The following EPHB6 variants were observed in gnomAD, a reference collection of about 807,000 sequenced individuals.
EPHB6 encodes the protein ephrin type-B receptor 6.
A neutral mutation model predicts 107.0 loss-of-function variants in EPHB6; 51 were observed. The ratio of observed to expected loss-of-function variants is 0.48; its 90% CI spans 0.38 to 0.60. EPHB6 has a LOEUF of 0.60. Among genes scored for constraint, EPHB6 ranks in the 20% least tolerant of loss-of-function variants. EPHB6 has a pLI of 0.00. For synonymous variants in EPHB6, 553 were observed against 549.0 expected (o/e 1.01, Z -0.10); for missense variants, 1,141 against 1,355.5 (o/e 0.84, Z 2.48).
rs573964960 is a variant in EPHB6 at position 142,868,004 on chromosome 7, C to A, written c.1873C>A (p.Arg625Ser). The change falls in exon 13 of 20, where the codon CGT becomes AGT. Residue 625 changes from arginine to serine, a missense_variant. This residue lies in a region of EPHB6 where 616 missense variants were observed against 759.3 expected (regional missense o/e 0.81). Coordinates refer to ENST00000652003, the MANE Select transcript of EPHB6 (RefSeq NM_004445.6). This position sits in a 1 kb window ranked among gnomAD's most constrained non-coding sequence, Gnocchi z 4.2. Reference sequence around the variant, plus strand: ...CACCGTTTTGTTCCTCAGGAAGCGGCGTGGGACTGGCTACACAGAGCAGCT... The same window carrying A: ...CACCGTTTTGTTCCTCAGGAAGCGGAGTGGGACTGGCTACACAGAGCAGCT... ...VLAVVFQRKRRGTGYTEQLQQ... is the reference protein window; with the variant it reads ...VLAVVFQRKRSGTGYTEQLQQ... 6.3e-6 allele frequency: 10 copies of A among 1,580,080 alleles called. No individual in the cohort carries two copies. Among genetic ancestry groups the A allele is most frequent in the Non-Finnish European group, 8.6e-6 (10 of 1,163,104 alleles).
chr7:142,870,987 G>A lies in EPHB6; in HGVS notation c.*83G>A. 2 of 1,347,604 alleles carry A rather than the reference G, an allele frequency of 1.5e-6. No individual in the cohort carries two copies. Among genetic ancestry groups the A allele is most frequent in the Non-Finnish European group, 2.1e-6 (2 of 973,682 alleles). 83.5% of individuals were successfully genotyped at this position (1,347,604 alleles called of 1,614,324 possible). On this transcript the variant is annotated 3_prime_UTR_variant, in exon 20 of 20. Coordinates refer to ENST00000652003, the MANE Select transcript of EPHB6 (RefSeq NM_004445.6). ...CGTGAGCCGGGCTCCAACAGCCTCT[G>A]TGAGAGATGCCCCACACCAAACCCA...
intron 6 of EPHB6, 79 bp from the exon 7 acceptor site, chr7:142,863,885 GAT>G (rs1400714935): frequency 2.1e-5 from 33 of 1,591,296 alleles, no homozygotes; most frequent in Non-Finnish European, 2.4e-5. Context: ...CAGTGGAAGA[GAT>G]ATGTCCCCTT....
At chr7:142,862,968 G>T in intron 4 of EPHB6, 135 bp downstream of exon 4, 1 of 546,998 alleles carries the variant, frequency 1.8e-6, no homozygotes, top group Non-Finnish European at 3.3e-6. Flanking sequence ...GCTCAGGAGA[G>T]GCAGTATGCA....
intron 7 of EPHB6, 121 bp from the exon 8 acceptor site, chr7:142,865,354 G>A (rs1161744021): frequency 2.3e-6 from 3 of 1,329,536 alleles, no homozygotes; most frequent in South Asian, 2.4e-5. Context: ...AGTCTTGGAA[G>A]AAAAGGAGAA....
rs771902981 is a variant in EPHB6 at position 142,866,570 on chromosome 7, A to T, written c.1552A>T (p.Asn518Tyr). 3 of 1,614,128 alleles carry T rather than the reference A, an allele frequency of 1.9e-6. No homozygotes were observed. The highest frequency in any genetic ancestry group is 1.7e-6 in the Non-Finnish European group (2 of 1,180,028). The change falls in exon 10 of 20, where the codon AAC becomes TAC. Residue 518 changes from asparagine (N) to tyrosine (Y), a missense_variant. Asn to Tyr is a moderately radical substitution (Grantham distance 143). Coordinates refer to ENST00000652003, the MANE Select transcript of EPHB6 (RefSeq NM_004445.6). This position sits in a 1 kb window ranked among gnomAD's most constrained non-coding sequence, Gnocchi z 5.2. ...GCCGCAGCCCGACCAGACCAATGGG[A>T]ACATCCTGGACTATCAGCTCCGCTA... is the stretch of plus-strand genomic sequence containing the variant. ...SWPQPDQTNG[N>Y]ILDYQLRYYD...
In EPHB6 at chr7:142,864,313, CT is replaced by C; in HGVS notation, c.514del (p.Ser172ProfsTer24). On this transcript the variant is annotated frameshift_variant, in exon 7 of 20. Coordinates refer to ENST00000652003, the MANE Select transcript of EPHB6 (RefSeq NM_004445.6). LOFTEE classifies it high-confidence loss of function. ...ESFPSSSSSS[S>X]SSSSSAAWAV... Reference sequence around the variant, plus strand: ...GCTTTCCCTCCTCCTCCTCCTCCTCCTCCTCCTCTTCTTCCTCTGCAGCGTG... The same window carrying C: ...GCTTTCCCTCCTCCTCCTCCTCCTCCCCTCCTCTTCTTCCTCTGCAGCGTG... 2 of 1,613,274 alleles carry C rather than the reference CT, an allele frequency of 1.2e-6. No homozygotes were observed. Among genetic ancestry groups the C allele is most frequent in the Non-Finnish European group, 1.7e-6 (2 of 1,179,978 alleles).
chr7:142,868,251 G>C lies in EPHB6; in HGVS notation c.1929G>C (p.Val643=), dbSNP rs1335443387. Residue 643 remains valine (V), a synonymous_variant, in exon 14 of 20, where the codon GTG becomes GTC. Transcript: ENST00000652003. The surrounding 1 kb of genome is among the most constrained non-coding windows in gnomAD (Gnocchi z 4.2). ...LQQYSSPGLG[V]KYYIDPSTYE... Reference sequence around the variant, plus strand: ...TCCACACCCCTCCAGGACTCGGGGTGAAGTATTACATCGACCCCTCCACCT... The same window carrying C: ...TCCACACCCCTCCAGGACTCGGGGTCAAGTATTACATCGACCCCTCCACCT... The C allele has an allele frequency of 1.2e-6, 2 of 1,614,162 alleles. No individual in the cohort carries two copies. The highest frequency in any genetic ancestry group is 2.2e-5 in the South Asian group (2 of 91,084).
rs755845226 is a variant in EPHB6 at position 142,868,755 on chromosome 7, G to T, written c.2286+16G>T. On this transcript the variant is annotated intron_variant, in intron 15 of 19. Coordinates refer to ENST00000652003, the MANE Select transcript of EPHB6 (RefSeq NM_004445.6). This position sits in a 1 kb window ranked among gnomAD's most constrained non-coding sequence, Gnocchi z 4.2. ...CTTCCTCAGGGTCAGTCCAGCCTGG[G>T]TGAAGGAGGAGGGTCCTTGGGTCCA... 6.2e-7 allele frequency: 1 copy of T among 1,613,802 alleles called. No individual in the cohort carries two copies. The highest frequency in any genetic ancestry group is 1.1e-5 in the South Asian group (1 of 91,080).
At position 142,868,824 on chromosome 7, in the gene EPHB6, C is replaced by T; in HGVS notation, c.2286+85C>T. 1 of 1,608,468 alleles carries T rather than the reference C, an allele frequency of 6.2e-7. No homozygotes were observed. Among genetic ancestry groups the T allele is most frequent in the East Asian group, 2.2e-5 (1 of 44,832 alleles). On this transcript the variant is annotated intron_variant, in intron 15 of 19. Coordinates refer to ENST00000652003, the MANE Select transcript of EPHB6 (RefSeq NM_004445.6). The surrounding 1 kb of genome is among the most constrained non-coding windows in gnomAD (Gnocchi z 4.2). ...GAGGTCCTGTATCTTTGCTTCTTAC[C>T]ACCCCACCTTCCATGGTCTCCGTCC...
At chr7:142,857,760 C>T (rs1476280431) in intron 1 of EPHB6, among the ~76,000 whole-genome samples, 1 of 152,240 alleles carries the variant, frequency 6.6e-6, no homozygotes, top group African/African-American at 2.4e-5. Context: ...TCTGTCCCTT[C>T]ATAGCCTCAT....
In EPHB6 at chr7:142,864,615, A is replaced by C. The variant is rs771260694; in HGVS notation, c.815A>C (p.Asp272Ala). The change falls in exon 7 of 20, where the codon GAT becomes GCT. Residue 272 changes from aspartate (D) to alanine (A), a missense_variant. Physicochemically the swap from Asp to Ala is moderately radical, Grantham distance 126. Around this residue, in one of 3 missense-constraint regions of EPHB6, gnomAD observed 304 missense variants for 295.7 expected, o/e 1.03. Coordinates refer to ENST00000652003, the MANE Select transcript of EPHB6 (RefSeq NM_004445.6). Reference sequence around the variant, plus strand: ...GTGGCTCATGCAGAGCCAGAGGAGGATGGAGTAGGGGGCCAGGCAGGAGGC... The same window carrying C: ...GTGGCTCATGCAGAGCCAGAGGAGGCTGGAGTAGGGGGCCAGGCAGGAGGC... Reference protein sequence around the residue: ...TCVAHAEPEEDGVGGQAGGSP... With the variant: ...TCVAHAEPEEAGVGGQAGGSP... 6.2e-7 allele frequency: 1 copy of C among 1,612,452 alleles called. No homozygotes were observed. Among genetic ancestry groups the C allele is most frequent in the African/African-American group, 1.3e-5 (1 of 74,982 alleles).
At chr7:142,860,510 T>C (rs1022766014) in intron 1 of EPHB6, among the ~76,000 whole-genome samples, 8 of 152,196 alleles carry the variant, frequency 5.3e-5, no homozygotes, top group Admixed American at 5.2e-4. Flanking sequence ...GTTACAGAAT[T>C]TAATAGCTAT....
Position 142,865,994 on chromosome 7 carries a change from G to C in EPHB6, c.1140G>C (p.Glu380Asp). ...CGGCTCCCCAGGAGCTTTGGTTTGA[G>C]GTGCAAGGCTCAGCACTCATGCTAC... ...PPSAPQELWFEVQGSALMLHW... is the reference protein window; with the variant it reads ...PPSAPQELWFDVQGSALMLHW... Residue 380 changes from glutamate to aspartate, a missense_variant, in exon 9 of 20, where the codon GAG becomes GAC. This residue lies in a region of EPHB6 where 304 missense variants were observed against 295.7 expected (regional missense o/e 1.03). Coordinates refer to ENST00000652003, the MANE Select transcript of EPHB6 (RefSeq NM_004445.6). The C allele has an allele frequency of 6.2e-7, 1 of 1,613,982 alleles. No homozygotes were observed.
At chr7:142,864,981 C>A (rs6947538) in intron 7 of EPHB6, among the ~76,000 whole-genome samples, 1 of 152,114 alleles carries the variant, frequency 6.6e-6, no homozygotes, top group African/African-American at 2.4e-5. Context: ...CAATTGCCTT[C>A]TCCTAAGTCT....
Position 142,867,105 on chromosome 7 carries a change from G to T in EPHB6, c.1750+37G>T. 1 of 1,604,270 alleles carries T rather than the reference G, an allele frequency of 6.2e-7. No individual in the cohort carries two copies. Among genetic ancestry groups the T allele is most frequent in the Non-Finnish European group, 8.5e-7 (1 of 1,177,428 alleles). ...TCAAGGGCCAGATGGGCAGGTGAAG[G>T]CCCAAGTGGGTAGTGAGGAGAGGCC... On this transcript the variant is annotated intron_variant, in intron 11 of 19. Coordinates refer to ENST00000652003, the MANE Select transcript of EPHB6 (RefSeq NM_004445.6). This position sits in a 1 kb window ranked among gnomAD's most constrained non-coding sequence, Gnocchi z 5.3.
chr7:142,868,826 C>T lies in EPHB6; in HGVS notation c.2286+87C>T, dbSNP rs746044346. Reference sequence around the variant, plus strand: ...GGTCCTGTATCTTTGCTTCTTACCACCCCACCTTCCATGGTCTCCGTCCTT... The same window carrying T: ...GGTCCTGTATCTTTGCTTCTTACCATCCCACCTTCCATGGTCTCCGTCCTT... On this transcript the variant is annotated intron_variant, in intron 15 of 19. Coordinates refer to ENST00000652003, the MANE Select transcript of EPHB6 (RefSeq NM_004445.6). This position sits in a 1 kb window ranked among gnomAD's most constrained non-coding sequence, Gnocchi z 4.2. 2.3e-4 allele frequency: 367 copies of T among 1,607,152 alleles called. 3 individuals are homozygous for T. Among genetic ancestry groups the T allele is most frequent in the Admixed American group, 3.9e-4 (23 of 59,632 alleles).
intron 1 of EPHB6, among the ~76,000 whole-genome samples, chr7:142,860,639 A>C (rs1255097107): frequency 6.6e-6 from 1 of 152,232 alleles, no homozygotes; most frequent in African/African-American, 2.4e-5. Context: ...GCAATTTGCC[A>C]TATGGAAATG....
At chr7:142,862,556 C>T (rs1802890729) in intron 3 of EPHB6, among the ~76,000 whole-genome samples, 200 bp from the exon 4 acceptor site, 1 of 152,134 alleles carries the variant, frequency 6.6e-6, no homozygotes. Flanking sequence ...TTATTCTGGT[C>T]CCTTCCCTCC....
At chr7:142,859,074 G>A (rs1802733962) in intron 1 of EPHB6, among the ~76,000 whole-genome samples, 1 of 152,198 alleles carries the variant, frequency 6.6e-6, no homozygotes, top group Admixed American at 6.5e-5. Flanking sequence ...CATCTGAAAT[G>A]TGAATATTTT....
Sources: allele counts gnomAD v4.1 joint callset (sites outside exome capture counted in the v4.1 genomes callset), GRCh38; gene constraint gnomAD v4.1.1; regional missense constraint gnomAD v4.1.1; non-coding constraint Gnocchi (gnomAD v3.1); transcripts MANE v1.5; gene names NCBI Gene and HGNC (gene_info 2026-07-23, HGNC 2026-07-21).